HPS5: variants seen among roughly 807,000 people sequenced by gnomAD.
HPS5 encodes HPS5 biogenesis of lysosomal organelles complex 2 subunit 2, also known as BLOC-2 complex member HPS5.
In HPS5, 83 loss-of-function variants were observed where a neutral mutation model predicts 128.0. That is an observed-to-expected ratio of 0.65 (90% CI 0.54 to 0.78). The LOEUF (loss-of-function observed/expected upper bound fraction) is 0.78. Among genes scored for constraint, HPS5 ranks in the 30% least tolerant of loss-of-function variants. The pLI, the probability that HPS5 is intolerant of heterozygous loss-of-function variation, is 0.00. For missense variants in HPS5, 1,281 were observed against 1,326.2 expected, an observed-to-expected ratio of 0.97 and a Z score of 0.53; for synonymous variants, 475 against 470.2, an observed-to-expected ratio of 1.01 and a Z score of -0.13.
Position 18,283,878 on chromosome 11 carries a change from A to G in HPS5, c.2975T>C (p.Leu992Pro). ...TCTTCTTCTCTCCAGCTCCAAACAG[A>G]GAATTAGATATCCAGGCCAGAAACT... The part of the protein sequence containing the change: ...SCGFWPGYLI[L>P]CLELERRREA... Residue 992 changes from leucine to proline, a missense_variant, in exon 21 of 23, where the codon CTC becomes CCC. Physicochemically the swap from Leu to Pro is moderately conservative, Grantham distance 98. Transcript: ENST00000349215. The G allele has an allele frequency of 6.2e-7, 1 of 1,613,130 alleles. No individual in the cohort carries two copies. The highest frequency in any genetic ancestry group is 8.5e-7 in the Non-Finnish European group (1 of 1,179,452).
chr11:18,299,083 C>A, intron 9 of HPS5, 113 bp from the exon 10 acceptor site: 1 of 966,312 alleles, frequency 1.0e-6, no homozygotes, highest in South Asian at 1.4e-5. Context: ...TTTGGCTTGA[C>A]TGAATTTCAT....
intron 6 of HPS5, among the ~76,000 whole-genome samples, chr11:18,308,429 C>G (rs944424633): frequency 6.6e-6 from 1 of 152,184 alleles, no homozygotes; most frequent in Non-Finnish European, 1.5e-5. Context: ...AACGGGCTCA[C>G]GGAATACTTG....
In HPS5 at chr11:18,291,832, A is replaced by G; in HGVS notation, c.2050T>C (p.Leu684=). The change falls in exon 16 of 23, where the codon TTA becomes CTA. Residue 684 remains leucine, a synonymous_variant. Transcript: ENST00000349215. ...LLVNESKKGI[L]DEDNEKEKRD... ...TTTTCTTTTTCATTATCTTCATCTA[A>G]TATTCCCTTTTTTGATTCATTAACT... 6.2e-7 allele frequency: 1 copy of G among 1,611,910 alleles called. No individual in the cohort carries two copies. The highest frequency in any genetic ancestry group is 1.7e-5 in the Admixed American group (1 of 59,626).
chr11:18,291,794 TAA>T lies in HPS5; in HGVS notation c.2086_2087del (p.Leu696ArgfsTer3). 5 of 1,613,814 alleles carry T rather than the reference TAA, an allele frequency of 3.1e-6. No homozygotes were observed. The highest frequency in any genetic ancestry group is 4.2e-6 in the Non-Finnish European group (5 of 1,179,808). ...TTTTATCAACAGATTCTTCATTGCC[TAA>T]AGAGTCCCTTTTTTCTTTTTCATTA... The part of the protein sequence containing the change: ...EDNEKEKRDS[L>X]GNEESVDKTA... On this transcript the variant is annotated frameshift_variant, in exon 16 of 23. Transcript: ENST00000349215. LOFTEE classifies it high-confidence loss of function.
chr11:18,310,754 G>T lies in HPS5; in HGVS notation c.464C>A (p.Ser155Tyr), dbSNP rs1378511728. The T allele has an allele frequency of 1.2e-6, 2 of 1,613,418 alleles. No homozygotes were observed. Among genetic ancestry groups the T allele is most frequent in the East Asian group, 2.2e-5 (1 of 44,884 alleles). ...ACTGCTTCTCACCTTTGCTTGTTTA[G>T]AAGTATTGAGTTTGATAGCAGAAAC... ...GKVSAIKLNT[S>Y]KQAKAAAAFV... The change falls in exon 5 of 23, where the codon TCT (serine) becomes TAT (tyrosine). Residue 155 changes from serine to tyrosine, a missense_variant. Physicochemically the swap from Ser to Tyr is moderately radical, Grantham distance 144. Transcript: ENST00000349215.
At chr11:18,299,115 T>C (rs1399551273) in intron 9 of HPS5, 145 bp from the exon 10 acceptor site, 7 of 711,846 alleles carry the variant, frequency 9.8e-6, no homozygotes, top group African/African-American at 5.4e-5. Context: ...TACTTGCAGT[T>C]CAATGAAGAA....
intron 7 of HPS5, 29 bp downstream of exon 7, chr11:18,306,105 AC>A (rs764252668): frequency 1.4e-6 from 2 of 1,461,466 alleles, no homozygotes; most frequent in African/African-American, 2.8e-5. Flanking sequence ...AGCTCTTCAA[AC>A]AATCCCAACC....
At chr11:18,306,829 G>C (rs1195185789) in intron 6 of HPS5, among the ~76,000 whole-genome samples, 1 of 152,168 alleles carries the variant, frequency 6.6e-6, no homozygotes, top group African/African-American at 2.4e-5. Flanking sequence ...AGGTCCTTCT[G>C]AAACTCTGCA....
chr11:18,320,777 T>G lies in HPS5; in HGVS notation c.-50+1169A>C, dbSNP rs72866906. Among the ~76,000 whole-genome samples, 361 of 152,292 alleles carry G rather than the reference T, an allele frequency of 2.4e-3. 1 individual carries two copies. Among genetic ancestry groups the G allele is most frequent in the Non-Finnish European group, 4.3e-3 (295 of 68,018 alleles). ...CTTAAGTAGTTAGATGAGCCCAGAATAGAGTAGAAACACTAACTTCCTGGA... is the reference window on the plus strand; with the variant it reads ...CTTAAGTAGTTAGATGAGCCCAGAAGAGAGTAGAAACACTAACTTCCTGGA... On this transcript the variant is annotated intron_variant, in intron 1 of 22. Coordinates refer to ENST00000349215, the MANE Select transcript of HPS5 (RefSeq NM_181507.2).
Position 18,288,101 on chromosome 11 carries a change from T to C in HPS5, c.2441-88A>G, listed in dbSNP as rs1201238758. On this transcript the variant is annotated intron_variant, in intron 16 of 22. Coordinates refer to ENST00000349215, the MANE Select transcript of HPS5 (RefSeq NM_181507.2). Reference sequence around the variant, plus strand: ...AACATGTTCATTCAGCAATCATTAGTCACGTACCTACTGTGTGGACCTATT... The same window carrying C: ...AACATGTTCATTCAGCAATCATTAGCCACGTACCTACTGTGTGGACCTATT... 1.1e-5 allele frequency: 15 copies of C among 1,419,222 alleles called. No individual in the cohort carries two copies. In the Admixed American group the frequency reaches 2.2e-4, roughly 21 times the overall value. 87.9% of individuals were successfully genotyped at this position (1,419,222 alleles called of 1,614,324 possible). A position where few individuals can be genotyped will look rare whatever the true frequency, so the allele number is the denominator to read the frequency against.
intron 8 of HPS5, among the ~76,000 whole-genome samples, chr11:18,303,827 G>A (rs550550694): frequency 1.5e-4 from 23 of 150,590 alleles, no homozygotes; most frequent in African/African-American, 5.4e-4. Context: ...GCACTCCAAT[G>A]TGGGTGACAG....
In HPS5 at chr11:18,317,070, T is replaced by G. The variant is rs577777944; in HGVS notation, c.108+681A>C. ...TTAGCCAGACGTGGTGGCGGGCACATGTGGTCCCAGCTACTTGGGAGGCTG... is the reference window on the plus strand; with the variant it reads ...TTAGCCAGACGTGGTGGCGGGCACAGGTGGTCCCAGCTACTTGGGAGGCTG... On this transcript the variant is annotated intron_variant, in intron 2 of 22. Coordinates refer to ENST00000349215, the MANE Select transcript of HPS5 (RefSeq NM_181507.2). 7.2e-5 allele frequency among the ~76,000 whole-genome samples: 11 copies of G among 151,976 alleles called. No homozygotes were observed. The South Asian group carries it at 1.7e-3, about 23-fold the overall frequency.
intron 6 of HPS5, among the ~76,000 whole-genome samples, chr11:18,308,264 TTAA>T (rs1416838515): frequency 6.6e-6 from 1 of 152,254 alleles, no homozygotes; most frequent in Non-Finnish European, 1.5e-5. Context: ...CATAAAGCTC[TTAA>T]TTATTTTTCA....
rs1859974232 is a variant in HPS5, at chr11:18,288,144, T to C, written c.2441-131A>G. 4.4e-6 allele frequency: 4 copies of C among 902,928 alleles called. No individual in the cohort carries two copies. In the South Asian group the frequency reaches 6.0e-5, roughly 14 times the overall value. 55.9% of individuals were successfully genotyped at this position (902,928 alleles called of 1,614,324 possible). A position where few individuals can be genotyped will look rare whatever the true frequency, so the allele number is the denominator to read the frequency against. On this transcript the variant is annotated intron_variant, in intron 16 of 22. Transcript: ENST00000349215. ...GACCTATTATGTGCAAGGCCCAATA[T>C]TAAGCATTACAAGAGAAACAAATAA...
At chr11:18,317,029 C>T (rs1159294829) in intron 2 of HPS5, among the ~76,000 whole-genome samples, 2 of 151,982 alleles carry the variant, frequency 1.3e-5, no homozygotes, top group Admixed American at 6.6e-5. Flanking sequence ...CCCGTCTCTA[C>T]TAAAAATACA....
chr11:18,287,636 T>C lies in HPS5; in HGVS notation c.2616A>G (p.Pro872=). The C allele has an allele frequency of 6.2e-7, 1 of 1,614,160 alleles. No individual in the cohort carries two copies. The highest frequency in any genetic ancestry group is 8.5e-7 in the Non-Finnish European group (1 of 1,180,016). The change falls in exon 18 of 23, where the codon CCA becomes CCG. Residue 872 remains proline (P), a synonymous_variant. Transcript: ENST00000349215. ...SALRSLIKFF[P]SILPSDIIQL... ...GTATGATATCCGATGGCAAAATGGA[T>C]GGAAAGAACTTGATTAAGGATCGAA...
intron 4 of HPS5, 75 bp from the exon 5 acceptor site, chr11:18,311,008 C>G (rs1191926421): frequency 2.9e-6 from 3 of 1,037,988 alleles, no homozygotes; most frequent in Non-Finnish European, 4.6e-6. Flanking sequence ...ACAGTATCAA[C>G]TATATCAAAT....
intron 15 of HPS5, among the ~76,000 whole-genome samples, chr11:18,292,537 A>G (rs889745558): frequency 6.6e-6 from 1 of 152,156 alleles, no homozygotes; most frequent in Non-Finnish European, 1.5e-5. Flanking sequence ...CTCTGCCCCA[A>G]ACTGTCTCAG....
chr11:18,316,952 T>C (rs1418603429), intron 2 of HPS5, among the ~76,000 whole-genome samples: 1 of 152,144 alleles, frequency 6.6e-6, no homozygotes, highest in Admixed American at 6.5e-5. Flanking sequence ...CCCAGCACTT[T>C]GGGAGGCCGA....
Sources: gnomAD v4.1 joint callset for allele counts (sites outside exome capture counted in the v4.1 genomes callset) on GRCh38, gnomAD v4.1.1 for gene constraint, MANE v1.5 for transcripts, NCBI Gene and HGNC (gene_info 2026-07-23, HGNC 2026-07-21) for gene names.